ARHGAP39: variants seen among roughly 807,000 people sequenced by gnomAD.
The protein encoded by ARHGAP39 is rho GTPase-activating protein 39.
ARHGAP39 carries 44 observed loss-of-function variants against 106.9 expected under a neutral mutation model. The ratio of observed to expected loss-of-function variants is 0.41; its 90% CI spans 0.32 to 0.53. The LOEUF (loss-of-function observed/expected upper bound fraction) is 0.53. ARHGAP39 is among the 20% of genes least tolerant of loss of function. ARHGAP39 has a pLI of 0.21. For missense variants in ARHGAP39, 1,496 were observed against 1,577.3 expected (o/e 0.95, Z 0.87); for synonymous variants, 768 against 693.2 (o/e 1.11, Z -1.69).
chr8:144,660,844 A>C (rs1447109084), intron 1 of ARHGAP39, among the ~76,000 whole-genome samples: 1 of 152,138 alleles, frequency 6.6e-6, no homozygotes, highest in Admixed American at 6.5e-5. Flanking sequence ...CTTAGCTGAG[A>C]GTGGTGGTGT....
At chr8:144,558,756 G>C (rs1210274137) in intron 3 of ARHGAP39, among the ~76,000 whole-genome samples, 1 of 152,066 alleles carries the variant, frequency 6.6e-6, no homozygotes, top group Non-Finnish European at 1.5e-5. Context: ...ATACAGAAAG[G>C]ATGATATAAA....
At chr8:144,587,445 G>A (rs1819221449) in intron 2 of ARHGAP39, among the ~76,000 whole-genome samples, 1 of 152,188 alleles carries the variant, frequency 6.6e-6, no homozygotes, top group South Asian at 2.1e-4. Flanking sequence ...GAATTGAGTG[G>A]AAAATCTAAA....
rs553972832 is a variant in ARHGAP39, at chr8:144,614,354, A to ATTT, written c.-81-8662_-81-8660dup. On this transcript the variant is annotated intron_variant, in intron 1 of 11. Transcript: ENST00000377307. The stretch of plus-strand genomic sequence containing the variant: ...GCATATTTTTTGTGTTCCTGTTACT[A>ATTT]TTTTTTTTTTTTTTTTGAGACGGAG... Among the ~76,000 whole-genome samples the ATTT allele has an allele frequency of 7.4e-3, 1,017 of 136,634 alleles. 16 individuals are homozygous for ATTT. The highest frequency in any genetic ancestry group is 0.025 in the African/African-American group (942 of 37,422). The allele number at this position is 136,634 out of a possible 152,430, so 89.6% of individuals were successfully genotyped here.
At chr8:144,680,234 T>C (rs551818952) in intron 1 of ARHGAP39, among the ~76,000 whole-genome samples, 2 of 152,346 alleles carry the variant, frequency 1.3e-5, no homozygotes, top group South Asian at 2.1e-4. Flanking sequence ...CTCCCTTCAC[T>C]GCTGCAGCCC....
rs184615632 is a variant in ARHGAP39 at position 144,607,344 on chromosome 8, A to G, written c.-81-1649T>C. The stretch of plus-strand genomic sequence containing the variant: ...AAAGCAGCCTCTGCTGTTAGAAATC[A>G]GAACCCATGGCCTCCGGCCCGGGTG... On this transcript the variant is annotated intron_variant, in intron 1 of 11. Transcript: ENST00000377307. Among the ~76,000 whole-genome samples the G allele has an allele frequency of 4.2e-3, 633 of 152,164 alleles. 3 individuals are homozygous for G. Among genetic ancestry groups the G allele is most frequent in the Middle Eastern group, 0.014 (4 of 292 alleles).
chr8:144,652,059 A>G (rs528615172), intron 1 of ARHGAP39, among the ~76,000 whole-genome samples: 1 of 152,336 alleles, frequency 6.6e-6, no homozygotes, highest in East Asian at 1.9e-4. Context: ...AACAAAAGCA[A>G]AAGTTGATAA....
chr8:144,689,985 G>T (rs1418423830), upstream of ARHGAP39, among the ~76,000 whole-genome samples: 3 of 151,850 alleles, frequency 2.0e-5, no homozygotes, highest in Non-Finnish European at 4.4e-5. Context: ...GACCTCAGGT[G>T]ATCTGCCTGC....
In ARHGAP39 at chr8:144,548,110, C is replaced by T. The variant is rs1817542229; in HGVS notation, c.976G>A (p.Asp326Asn). 3 of 1,583,396 alleles carry T rather than the reference C, an allele frequency of 1.9e-6. No individual in the cohort carries two copies. Among genetic ancestry groups the T allele is most frequent in the Non-Finnish European group, 1.7e-6 (2 of 1,164,966 alleles). The change falls in exon 5 of 12, where the codon GAT (aspartate) becomes AAT (asparagine). Residue 326 changes from aspartate to asparagine, a missense_variant. Physicochemically the swap from Asp to Asn is conservative, Grantham distance 23. Transcript: ENST00000377307. The surrounding 1 kb of genome is among the most constrained non-coding windows in gnomAD (Gnocchi z 7.4). ...PPVEYQAPIY[D>N]EPPMDVQFEA... ...AATTGCACGTCCATGGGGGGCTCAT[C>T]GTAGATGGGGGCCTGGTACTCCACT...
chr8:144,633,954 C>A (rs1399239329), intron 1 of ARHGAP39, among the ~76,000 whole-genome samples: 1 of 152,266 alleles, frequency 6.6e-6, no homozygotes, highest in African/African-American at 2.4e-5. Context: ...TCAGTTGTAA[C>A]AAACTGCAGA....
rs2130993485 is a variant in ARHGAP39, at chr8:144,647,119, C to G, written c.-82+38567G>C. Reference sequence around the variant, plus strand: ...GAGTAGCTGGGACTACAGCCACCCGCCACCATGCCCGGCTAATTTTTGTAT... The same window carrying G: ...GAGTAGCTGGGACTACAGCCACCCGGCACCATGCCCGGCTAATTTTTGTAT... On this transcript the variant is annotated intron_variant, in intron 1 of 11. Transcript: ENST00000377307. The surrounding 1 kb of genome is among the most constrained non-coding windows in gnomAD (Gnocchi z 4.8). Among the ~76,000 whole-genome samples, 1 of 152,218 alleles carries G rather than the reference C, an allele frequency of 6.6e-6. No individual in the cohort carries two copies. Among genetic ancestry groups the G allele is most frequent in the African/African-American group, 2.4e-5 (1 of 41,526 alleles).
At position 144,643,544 on chromosome 8, in the gene ARHGAP39, A is replaced by G. The variant is rs73377691; in HGVS notation, c.-81-37849T>C. Among the ~76,000 whole-genome samples the G allele has an allele frequency of 7.0e-3, 1,071 of 152,236 alleles. 12 individuals carry two copies. Among genetic ancestry groups the G allele is most frequent in the African/African-American group, 0.023 (968 of 41,540 alleles). The stretch of plus-strand genomic sequence containing the variant: ...GCCACCACTTTGGTTCTCACCCCGC[A>G]TGTCCCCACAGTTCCTTTGACGAAG... On this transcript the variant is annotated intron_variant, in intron 1 of 11. Transcript: ENST00000377307.
At chr8:144,534,495 G>A (rs1476429870) in intron 7 of ARHGAP39, among the ~76,000 whole-genome samples, 2 of 152,190 alleles carry the variant, frequency 1.3e-5, no homozygotes, top group Non-Finnish European at 2.9e-5. Flanking sequence ...ACCTGGGTCT[G>A]AGGGCCTCTA....
chr8:144,619,871 A>T (rs11994023), intron 1 of ARHGAP39, among the ~76,000 whole-genome samples: 15,016 of 120,054 alleles, frequency 0.13, 1,852 homozygotes, highest in African/African-American at 0.35. Flanking sequence ...AGAGAGCGTG[A>T]GCCCGTGTGA....
intron 1 of ARHGAP39, among the ~76,000 whole-genome samples, chr8:144,629,687 C>T (rs1182320765): frequency 6.6e-6 from 1 of 152,194 alleles, no homozygotes; most frequent in Non-Finnish European, 1.5e-5. Context: ...CAGCAATGAG[C>T]GCCTCTGCCC....
At chr8:144,575,835 G>A (rs1008676369) in intron 3 of ARHGAP39, among the ~76,000 whole-genome samples, 2 of 152,154 alleles carry the variant, frequency 1.3e-5, no homozygotes, top group African/African-American at 4.8e-5. Context: ...GTCTGTCTAC[G>A]CCAGCATCAC....
At chr8:144,584,254 C>G (rs184317375) in intron 2 of ARHGAP39, 1 of 151,628 alleles carries the variant, frequency 6.6e-6, no homozygotes, top group Non-Finnish European at 1.5e-5. Context: ...GCCTGGGCAA[C>G]GTGGTGAAAC....
upstream of ARHGAP39, among the ~76,000 whole-genome samples, chr8:144,688,924 C>T (rs890772563): frequency 6.6e-6 from 1 of 152,114 alleles, no homozygotes; most frequent in African/African-American, 2.4e-5. Flanking sequence ...AAAAATAGCA[C>T]GTCCAATTGT....
chr8:144,628,937 T>C (rs925164859), intron 1 of ARHGAP39, among the ~76,000 whole-genome samples: 2 of 152,070 alleles, frequency 1.3e-5, no homozygotes. Flanking sequence ...CCATCACTTT[T>C]GCGCCCGGGA....
intron 7 of ARHGAP39, 118 bp from the exon 8 acceptor site, chr8:144,534,320 G>A (rs866267745): frequency 2.7e-6 from 3 of 1,092,716 alleles, no homozygotes; most frequent in African/African-American, 3.1e-5. Context: ...CCTTGCCCCG[G>A]TCACCCCCTG....
Sources: gnomAD v4.1 joint callset for allele counts (sites outside exome capture counted in the v4.1 genomes callset) on GRCh38, gnomAD v4.1.1 for gene constraint, Gnocchi (gnomAD v3.1) non-coding constraint, MANE v1.5 for transcripts, NCBI Gene and HGNC (gene_info 2026-07-23, HGNC 2026-07-21) for gene names.